The following ANO1 variants were observed in gnomAD, a reference collection of about 807,000 sequenced individuals.
The protein encoded by ANO1 is anoctamin 1, also known as anoctamin-1.
In ANO1, 59 loss-of-function variants were observed where a neutral mutation model predicts 124.0. That is an observed-to-expected ratio of 0.48 (90% confidence interval 0.39 to 0.59). ANO1 has a LOEUF of 0.59. Ranked by LOEUF, ANO1 falls within the 20% of genes least tolerant of loss-of-function variation. The pLI, the probability that ANO1 is intolerant of heterozygous loss-of-function variation, is 0.00. For missense variants in ANO1, 1,059 were observed against 1,328.0 expected (o/e 0.80, Z 3.15); for synonymous variants, 529 against 532.0 (o/e 0.99, Z 0.08).
At chr11:70,151,974 A>G (rs1183749467) in intron 12 of ANO1, among the ~76,000 whole-genome samples, 1 of 152,198 alleles carries the variant, frequency 6.6e-6, no homozygotes, top group African/African-American at 2.4e-5. Context: ...TAAACCTTAA[A>G]GGAACCCAGG....
intron 6 of ANO1, among the ~76,000 whole-genome samples, chr11:70,109,175 T>G (rs2045673258): frequency 6.6e-6 from 1 of 152,132 alleles, no homozygotes; most frequent in African/African-American, 2.4e-5. Context: ...AGGCCATGGC[T>G]CCCGGGGGAC....
chr11:70,146,462 T>C (rs1008735788), intron 11 of ANO1, among the ~76,000 whole-genome samples: 1 of 152,064 alleles, frequency 6.6e-6, no homozygotes, highest in Non-Finnish European at 1.5e-5. Flanking sequence ...AGTGTCATAA[T>C]GGAGGCCAAG....
chr11:70,153,059 T>A lies in ANO1; in HGVS notation c.1356T>A (p.Asp452Glu), dbSNP rs2047667494. Residue 452 changes from aspartate to glutamate, a missense_variant and splice_region_variant, in exon 14 of 26, where the codon GAT becomes GAA. Asp to Glu is a conservative substitution (Grantham distance 45). Transcript: ENST00000355303. Reference protein sequence around the residue: ...GFEEEEEAVKDHPRAEYEARV... With the variant: ...GFEEEEEAVKEHPRAEYEARV... ...TCTTGACTTGGTTTCATTCACAGGA[T>A]CATCCTAGAGCTGAATACGAAGCCA... The A allele has an allele frequency of 6.2e-7, 1 of 1,604,070 alleles. No individual in the cohort carries two copies. The highest frequency in any genetic ancestry group is 1.7e-5 in the Admixed American group (1 of 58,694).
At chr11:69,993,171 A>T (rs2120314069) in intron 1 of ANO1, among the ~76,000 whole-genome samples, 1 of 152,314 alleles carries the variant, frequency 6.6e-6, no homozygotes, top group East Asian at 1.9e-4. Context: ...CCCTGTCTTC[A>T]GCTGCACCCT....
intron 24 of ANO1, among the ~76,000 whole-genome samples, chr11:70,183,064 G>A (rs776506293): frequency 4.1e-4 from 62 of 152,222 alleles, no homozygotes; most frequent in Middle Eastern, 3.4e-3. Context: ...AGCTATGATC[G>A]CACCACTGCA....
intron 2 of ANO1, among the ~76,000 whole-genome samples, chr11:70,089,996 TTTGTTTGTTTGTTTGTTTG>T (rs1250547133): frequency 2.6e-4 from 39 of 151,268 alleles, no homozygotes; most frequent in African/African-American, 7.8e-4. Flanking sequence ...CCAGGGTTTG[TTTGTTTGTTTGTTTGTTTG>T]TTTGTTTGTT....
intron 22 of ANO1, among the ~76,000 whole-genome samples, chr11:70,175,452 G>T (rs2048656576): frequency 6.6e-6 from 1 of 152,240 alleles, no homozygotes; most frequent in East Asian, 1.9e-4. Flanking sequence ...TGGCCCCTGT[G>T]ACCTGCGCCC....
intron 13 of ANO1, 96 bp downstream of exon 13, chr11:70,152,557 C>A: frequency 7.1e-7 from 1 of 1,417,168 alleles, no homozygotes; most frequent in Non-Finnish European, 9.9e-7. Flanking sequence ...CCACGCAGTT[C>A]CCGCAGTTCC....
chr11:70,161,965 C>G (rs1008280702), intron 18 of ANO1, among the ~76,000 whole-genome samples: 1 of 151,638 alleles, frequency 6.6e-6, no homozygotes, highest in Admixed American at 6.6e-5. Context: ...GGACCCCAGG[C>G]AGTGAGGACC....
chr11:70,182,596 A>T lies in ANO1; in HGVS notation c.2498A>T (p.His833Leu). ...GGGACCATGCACGGCTTCGTCAACCACACCCTCTCCTCCTTCAACGTCAGT... is the reference window on the plus strand; with the variant it reads ...GGGACCATGCACGGCTTCGTCAACCTCACCCTCTCCTCCTTCAACGTCAGT... Reference protein sequence around the residue: ...KNGTMHGFVNHTLSSFNVSDF... With the variant: ...KNGTMHGFVNLTLSSFNVSDF... The change falls in exon 24 of 26, where the codon CAC becomes CTC. Residue 833 changes from histidine (H) to leucine (L), a missense_variant. Physicochemically the swap from His to Leu is moderately conservative, Grantham distance 99. Transcript: ENST00000355303. 1 of 1,613,592 alleles carries T rather than the reference A, an allele frequency of 6.2e-7. No individual in the cohort carries two copies. The highest frequency in any genetic ancestry group is 8.5e-7 in the Non-Finnish European group (1 of 1,179,756).
chr11:70,174,287 T>C (rs2048595411), intron 22 of ANO1, among the ~76,000 whole-genome samples: 1 of 150,984 alleles, frequency 6.6e-6, no homozygotes, highest in African/African-American at 2.4e-5. Context: ...TCCCAGCTAC[T>C]CAGGAGGCTG....
chr11:70,094,455 C>T (rs2044761807), intron 2 of ANO1, among the ~76,000 whole-genome samples: 2 of 152,174 alleles, frequency 1.3e-5, no homozygotes, highest in Non-Finnish European at 2.9e-5. Flanking sequence ...GGGTGGGGGC[C>T]TGGAATTTGA....
intron 22 of ANO1, among the ~76,000 whole-genome samples, chr11:70,177,138 C>A (rs1324458715): frequency 1.3e-5 from 2 of 152,212 alleles, no homozygotes; most frequent in Non-Finnish European, 2.9e-5. Flanking sequence ...CCTGGGCGGA[C>A]CCCCTTGCCT....
chr11:70,030,134 C>A lies in ANO1; in HGVS notation c.58+43968C>A, dbSNP rs115105604. Among the ~76,000 whole-genome samples the A allele has an allele frequency of 9.8e-3, 1,494 of 152,328 alleles. 25 individuals carry two copies. Among genetic ancestry groups the A allele is most frequent in the African/African-American group, 0.034 (1,426 of 41,564 alleles). On this transcript the variant is annotated intron_variant, in intron 1 of 27. Transcript: ENST00000531349. ...TGCTTGTGGGAGGCCCTGGCCCTCT[C>A]AGGGAAGCGAAAGTTGCTCAGTCTC...
intron 5 of ANO1, among the ~76,000 whole-genome samples, chr11:70,107,713 G>T (rs1027898325): frequency 3.3e-5 from 5 of 152,146 alleles, no homozygotes; most frequent in African/African-American, 9.7e-5. Context: ...CTGGCGCCAG[G>T]TTCCAGGCAG....
At position 70,107,203 on chromosome 11, in the gene ANO1, G is replaced by A. The variant is rs985360510; in HGVS notation, c.748-1150G>A. Among the ~76,000 whole-genome samples the A allele has an allele frequency of 2.0e-5, 3 of 152,154 alleles. No individual in the cohort carries two copies. The South Asian group carries it at 6.2e-4, about 32-fold the overall frequency. Reference sequence around the variant, plus strand: ...GGCGATTCCTTCCTTCATTCAGCAGGGATGTATTGGGCACCTGCTGGGTGG... The same window carrying A: ...GGCGATTCCTTCCTTCATTCAGCAGAGATGTATTGGGCACCTGCTGGGTGG... On this transcript the variant is annotated intron_variant, in intron 5 of 25. Coordinates refer to ENST00000355303, the MANE Select transcript of ANO1 (RefSeq NM_018043.7).
At chr11:70,106,570 G>A (rs1019052013) in intron 5 of ANO1, among the ~76,000 whole-genome samples, 1 of 152,164 alleles carries the variant, frequency 6.6e-6, no homozygotes, top group Non-Finnish European at 1.5e-5. Flanking sequence ...GGGGGGTTCT[G>A]AGCCACTGCT....
At chr11:70,048,224 C>G (rs550858734) in intron 1 of ANO1, among the ~76,000 whole-genome samples, 2 of 152,274 alleles carry the variant, frequency 1.3e-5, no homozygotes, top group African/African-American at 2.4e-5. Flanking sequence ...AATGGTTGAA[C>G]TGGTGGATTT....
intron 1 of ANO1, among the ~76,000 whole-genome samples, chr11:70,086,129 A>T (rs1236892361): frequency 2.0e-5 from 3 of 152,204 alleles, no homozygotes; most frequent in African/African-American, 4.8e-5. Flanking sequence ...TCACGTAGCC[A>T]CAGGAAACTG....
Sources: allele counts gnomAD v4.1 joint callset (sites outside exome capture counted in the v4.1 genomes callset), GRCh38; gene constraint gnomAD v4.1.1; transcripts MANE v1.5; gene names NCBI Gene and HGNC (gene_info 2026-07-23, HGNC 2026-07-21).